HEPH: variants seen among roughly 807,000 people sequenced by gnomAD.
The protein encoded by HEPH is hephaestin.
A neutral mutation model predicts 80.8 loss-of-function variants in HEPH; 69 were observed. The observed-to-expected ratio is 0.85, with a 90% confidence interval of 0.70 to 1.04. The LOEUF (loss-of-function observed/expected upper bound fraction) is 1.04. HEPH is among the 50% of genes least tolerant of loss of function. The probability of loss-of-function intolerance (pLI) is 0.00; values close to 1 mark genes in which losing one functional copy is unlikely to be tolerated. For missense variants in HEPH, 1,115 were observed against 891.3 expected (o/e 1.25, Z -3.20); for synonymous variants, 431 against 322.8 (o/e 1.34, Z -3.60).
chrX:66,180,731 T>C (rs2087088681), intron 4 of HEPH, among the ~76,000 whole-genome samples: 1 of 90,234 alleles, frequency 1.1e-5, no homozygotes, highest in Non-Finnish European at 2.1e-5. Flanking sequence ...AGTTTTAGGG[T>C]ACATGTGCAC....
chrX:66,239,397 G>T (rs1293375800), intron 15 of HEPH, among the ~76,000 whole-genome samples: 1 of 111,595 alleles, frequency 9.0e-6, no homozygotes, highest in East Asian at 2.8e-4. Flanking sequence ...ATACTTTTTA[G>T]GAGCATGCCA....
chrX:66,189,439 G>A (rs148311811), intron 5 of HEPH, among the ~76,000 whole-genome samples: 1 of 111,916 alleles, frequency 8.9e-6, no homozygotes, highest in Non-Finnish European at 1.9e-5. Flanking sequence ...ATGGCATTGG[G>A]AAAGAAGTAA....
rs2086635954 is a variant in HEPH, at chrX:66,172,580, C to T, written c.393C>T (p.Phe131=). 11 of 1,162,193 alleles carry T rather than the reference C, an allele frequency of 9.5e-6. No homozygotes were observed. Among genetic ancestry groups the T allele is most frequent in the Non-Finnish European group, 1.1e-5 (10 of 869,789 alleles). The part of the protein sequence containing the change: ...RPYTIHPHGV[F]YEKDSEGSLY... ...ATACCATCCACCCTCATGGTGTCTT[C>T]TACGAGAAGGACTCTGAAGGTAAAC... Residue 131 remains phenylalanine, a synonymous_variant, in exon 3 of 21, where the codon TTC becomes TTT. Transcript: ENST00000343002.
chrX:66,180,487 G>T (rs1324451925), intron 4 of HEPH, among the ~76,000 whole-genome samples: 1 of 111,182 alleles, frequency 9.0e-6, no homozygotes, highest in African/African-American at 3.3e-5. Context: ...CTGTTTATCT[G>T]ATAGGTTTTC....
intron 15 of HEPH, among the ~76,000 whole-genome samples, chrX:66,249,453 T>TA (rs923783398): frequency 9.0e-6 from 1 of 111,407 alleles, no homozygotes; most frequent in Non-Finnish European, 1.9e-5. Flanking sequence ...AGTGAGAAGG[T>TA]AAGGAACAAA....
intron 6 of HEPH, among the ~76,000 whole-genome samples, chrX:66,190,248 A>C (rs1041206160): frequency 1.8e-5 from 2 of 110,708 alleles, no homozygotes; most frequent in Non-Finnish European, 3.8e-5. Flanking sequence ...CTAAACAATT[A>C]ATACCTGGAG....
At chrX:66,218,137 T>A (rs2089477342) in intron 15 of HEPH, among the ~76,000 whole-genome samples, 1 of 110,341 alleles carries the variant, frequency 9.1e-6, no homozygotes, top group South Asian at 3.9e-4. Context: ...AGACAGAAAG[T>A]CAACAAAGGA....
intron 15 of HEPH, among the ~76,000 whole-genome samples, chrX:66,252,002 A>G (rs1034485714): frequency 1.8e-5 from 2 of 111,995 alleles, no homozygotes; most frequent in Non-Finnish European, 3.8e-5. Context: ...GAGAGGAACA[A>G]GAGAGGTGGC....
chrX:66,265,012 C>G (rs1166394939), intron 20 of HEPH, among the ~76,000 whole-genome samples: 1 of 109,449 alleles, frequency 9.1e-6, no homozygotes, highest in Non-Finnish European at 1.9e-5. Context: ...AACTGTTGTT[C>G]TAATAAAACT....
At chrX:66,241,921 G>T (rs977438764) in intron 15 of HEPH, among the ~76,000 whole-genome samples, 2 of 110,939 alleles carry the variant, frequency 1.8e-5, no homozygotes, top group African/African-American at 6.5e-5. Flanking sequence ...AATCATTATT[G>T]TTAAAATGAC....
intron 11 of HEPH, among the ~76,000 whole-genome samples, chrX:66,199,742 C>T (rs1003197686): frequency 8.1e-5 from 9 of 111,668 alleles, no homozygotes; most frequent in Non-Finnish European, 1.5e-4. Flanking sequence ...TTTCATGGAT[C>T]GAAGAGAGAG....
chrX:66,175,279 T>G (rs2086752246), intron 4 of HEPH, among the ~76,000 whole-genome samples: 1 of 111,676 alleles, frequency 9.0e-6, no homozygotes, highest in African/African-American at 3.3e-5. Context: ...TTTCTACACT[T>G]TATGTTTTTG....
intron 15 of HEPH, among the ~76,000 whole-genome samples, chrX:66,212,996 T>C (rs947837742): frequency 9.1e-6 from 1 of 109,765 alleles, no homozygotes; most frequent in Admixed American, 9.7e-5. Flanking sequence ...TTCATCAGTG[T>C]TTGTAGTTTT....
At chrX:66,230,137 G>GT (rs1220868675) in intron 15 of HEPH, among the ~76,000 whole-genome samples, 1 of 92,380 alleles carries the variant, frequency 1.1e-5, no homozygotes, top group East Asian at 3.5e-4. Context: ...AGTATTCCAT[G>GT]GTGTATATGT....
At chrX:66,192,034 T>G in intron 6 of HEPH, 96 bp from the exon 7 acceptor site, 2 of 829,721 alleles carry the variant, frequency 2.4e-6, no homozygotes. Flanking sequence ...TAGTGGAGGG[T>G]GGGTGGAGGA....
At position 66,266,660 on chromosome X, in the gene HEPH, T is replaced by C; in HGVS notation, c.3465T>C (p.Ser1155=). ...SILDDSFKLL[S]FKQ is the part of the protein sequence containing the mutation. ...TGGATGACAGCTTCAAGCTTCTGTC[T>C]TTCAAACAGTAACATCTGGAGCCTG... is the stretch of plus-strand genomic sequence containing the variant. Residue 1155 remains serine (S), a synonymous_variant, in exon 21 of 21, where the codon TCT becomes TCC. Transcript: ENST00000343002. The C allele has an allele frequency of 8.4e-7, 1 of 1,191,187 alleles. No homozygotes were observed. The highest frequency in any genetic ancestry group is 1.1e-6 in the Non-Finnish European group (1 of 877,807).
At chrX:66,189,072 T>C (rs1478648214) in intron 5 of HEPH, among the ~76,000 whole-genome samples, 1 of 112,272 alleles carries the variant, frequency 8.9e-6, no homozygotes, top group African/African-American at 3.2e-5. Flanking sequence ...AACCGAGGCA[T>C]GAATATTGAA....
intron 15 of HEPH, among the ~76,000 whole-genome samples, chrX:66,244,413 C>T (rs1195115355): frequency 9.0e-6 from 1 of 111,680 alleles, no homozygotes; most frequent in Non-Finnish European, 1.9e-5. Flanking sequence ...AGTCTCCGAG[C>T]TTTGAGGTTC....
At chrX:66,255,168 G>T in intron 16 of HEPH, 27 bp downstream of exon 16, 1 of 1,068,125 alleles carries the variant, frequency 9.4e-7, no homozygotes, top group South Asian at 2.0e-5. Context: ...CTACCTGGAG[G>T]TGGGTCAAAC....
Sources: allele counts gnomAD v4.1 joint callset (sites outside exome capture counted in the v4.1 genomes callset), GRCh38; gene constraint gnomAD v4.1.1; transcripts MANE v1.5; gene names NCBI Gene and HGNC (gene_info 2026-07-23, HGNC 2026-07-21).